CCND3: variants seen among roughly 807,000 people sequenced by gnomAD.
CCND3 encodes the protein G1/S-specific cyclin-D3.
CCND3 carries 9 observed loss-of-function variants against 28.7 expected under a neutral mutation model. The ratio of observed to expected loss-of-function variants is 0.31; its 90% confidence interval spans 0.19 to 0.55. The LOEUF (loss-of-function observed/expected upper bound fraction) is 0.55. Ranked by LOEUF, CCND3 falls within the 20% of genes least tolerant of loss-of-function variation. The probability of loss-of-function intolerance (pLI) is 0.93; values close to 1 mark genes in which losing one functional copy is unlikely to be tolerated. For synonymous variants in CCND3, 164 were observed against 163.9 expected, an observed-to-expected ratio of 1.00 and a Z score of 0.00; for missense variants, 315 against 385.8, an observed-to-expected ratio of 0.82 and a Z score of 1.54.
Position 41,937,236 on chromosome 6 carries a change from T to G in CCND3, c.573A>C (p.Thr191=). 1 of 1,614,164 alleles carries G rather than the reference T, an allele frequency of 6.2e-7. No individual in the cohort carries two copies. Among genetic ancestry groups the G allele is most frequent in the Non-Finnish European group, 8.5e-7 (1 of 1,180,022 alleles). ...CAAAAATGTGCATAGGGCTCTTACCTGTAGCACAGAGGGCCAAAAAGGTCT... is the reference window on the plus strand; with the variant it reads ...CAAAAATGTGCATAGGGCTCTTACCGGTAGCACAGAGGGCCAAAAAGGTCT... ...HAQTFLALCA[T]DYTFAMYPPS... The change falls in exon 3 of 5, where the codon ACA becomes ACC. Residue 191 remains threonine (T), a splice_region_variant and synonymous_variant. Coordinates refer to ENST00000372991, the MANE Select transcript of CCND3 (RefSeq NM_001760.5).
Position 41,940,454 on chromosome 6 carries a change from G to A in CCND3, c.330C>T (p.Ala110=), listed in dbSNP as rs141634113. The part of the protein sequence containing the change: ...QLLGAVCMLL[A]SKLRETTPLT... ...GGGGCGTGGTCTCGCGCAGCTTGGA[G>A]GCCAGCAGCATGCAGACCGCACCCA... is the stretch of plus-strand genomic sequence containing the variant. The change falls in exon 2 of 5, where the codon GCC becomes GCT. Residue 110 remains alanine (A), a synonymous_variant. Transcript: ENST00000372991. 4 of 1,614,146 alleles carry A rather than the reference G, an allele frequency of 2.5e-6. No homozygotes were observed. The highest frequency in any genetic ancestry group is 3.4e-6 in the Non-Finnish European group (4 of 1,180,028).
intron 1 of CCND3, among the ~76,000 whole-genome samples, chr6:42,032,225 G>A (rs1764065866): frequency 6.6e-6 from 1 of 152,116 alleles, no homozygotes; most frequent in African/African-American, 2.4e-5. Flanking sequence ...AGCTAGGACT[G>A]CAGACACATG....
chr6:41,939,435 C>T lies in CCND3; in HGVS notation c.414+935G>A, dbSNP rs966106788. 6.6e-6 allele frequency among the ~76,000 whole-genome samples: 1 copy of T among 152,190 alleles called. No individual in the cohort carries two copies. Among genetic ancestry groups the T allele is most frequent in the Non-Finnish European group, 1.5e-5 (1 of 68,042 alleles). ...GAGACAATCTGCATGTCCTAAATAA[C>T]CTCTTCCAGATCCAGCAGCTCCCCC... is the stretch of plus-strand genomic sequence containing the variant. On this transcript the variant is annotated intron_variant, in intron 2 of 4. Coordinates refer to ENST00000372991, the MANE Select transcript of CCND3 (RefSeq NM_001760.5). The surrounding 1 kb of genome is among the most constrained non-coding windows in gnomAD (Gnocchi z 4.2).
At chr6:42,027,428 A>T (rs1763908868) in intron 1 of CCND3, among the ~76,000 whole-genome samples, 1 of 124,566 alleles carries the variant, frequency 8.0e-6, no homozygotes, top group Non-Finnish European at 1.7e-5. Context: ...TGAGAGAGCG[A>T]GGCTCCATCT....
intron 1 of CCND3, among the ~76,000 whole-genome samples, chr6:42,016,943 G>A (rs1035878133): frequency 6.6e-6 from 1 of 152,172 alleles, no homozygotes; most frequent in Admixed American, 6.5e-5. Context: ...GACCTGCTAA[G>A]TGGGCAAAGG....
chr6:41,944,435 T>C (rs1204982066), upstream of CCND3, among the ~76,000 whole-genome samples: 1 of 152,132 alleles, frequency 6.6e-6, no homozygotes, highest in Admixed American at 6.6e-5. Flanking sequence ...CTTTGTTTTT[T>C]GGTTTTCTTT....
intron 1 of CCND3, among the ~76,000 whole-genome samples, chr6:42,043,980 G>A (rs1269720055): frequency 1.3e-5 from 2 of 152,190 alleles, no homozygotes; most frequent in Non-Finnish European, 2.9e-5. Context: ...AGATGACACA[G>A]GTGTCATGCC....
At chr6:41,944,405 G>A (rs1227473148), upstream of CCND3, among the ~76,000 whole-genome samples, 5 of 150,956 alleles carry the variant, frequency 3.3e-5, no homozygotes, top group East Asian at 5.8e-4. Context: ...TTAACAAATA[G>A]AAGGGTTTTT....
At chr6:42,040,864 CAAACAAAAAAA>C (rs938751897) in intron 1 of CCND3, among the ~76,000 whole-genome samples, 3 of 129,884 alleles carry the variant, frequency 2.3e-5, no homozygotes, top group Non-Finnish European at 3.4e-5. Context: ...AACAAACAAA[CAAACAAAAAAA>C]AAACAAAAAA....
intron 1 of CCND3, among the ~76,000 whole-genome samples, chr6:41,961,018 G>C (rs1195700507): frequency 3.3e-5 from 5 of 152,184 alleles, no homozygotes; most frequent in Non-Finnish European, 1.5e-5. Context: ...CAGGGGAAGA[G>C]GACAGCACAC....
chr6:42,048,768 G>T lies in CCND3; in HGVS notation c.-313C>A, dbSNP rs1032422991. 6.5e-6 allele frequency: 3 copies of T among 459,532 alleles called. No individual in the cohort carries two copies. Among genetic ancestry groups the T allele is most frequent in the Non-Finnish European group, 1.3e-5 (3 of 231,902 alleles). The allele number at this position is 459,532 out of a possible 1,614,324, so 28.5% of individuals were successfully genotyped here. A position where few individuals can be genotyped will look rare whatever the true frequency, so the allele number is the denominator to read the frequency against. On this transcript the variant is annotated 5_prime_UTR_variant, in exon 1 of 5. Coordinates refer to the CCND3 transcript ENST00000372988. The surrounding 1 kb of genome is among the most constrained non-coding windows in gnomAD (Gnocchi z 4.7). Reference sequence around the variant, plus strand: ...GGGCGGAGGAGACAAAGGGGCTGGTGCTCTGCTCAGCCAAGTTTCGGTCCC... The same window carrying T: ...GGGCGGAGGAGACAAAGGGGCTGGTTCTCTGCTCAGCCAAGTTTCGGTCCC...
intron 1 of CCND3, among the ~76,000 whole-genome samples, chr6:41,973,163 T>G (rs1018872983): frequency 1.3e-5 from 2 of 152,144 alleles, no homozygotes; most frequent in Admixed American, 1.3e-4. Flanking sequence ...CAATGACAAA[T>G]CCCTGGGGTA....
In CCND3 at chr6:42,043,170, G is replaced by A. The variant is rs561870077; in HGVS notation, c.-46+5331C>T. Among the ~76,000 whole-genome samples the A allele has an allele frequency of 3.3e-5, 5 of 152,358 alleles. No individual in the cohort carries two copies. In the South Asian group the frequency reaches 1.0e-3, roughly 32 times the overall value. On this transcript the variant is annotated intron_variant, in intron 1 of 4. Coordinates refer to the CCND3 transcript ENST00000372988. ...GCACTTTGGGAGGCCGAGGCAGGAG[G>A]ACTGCTTGGGTCCAGGAGCTCAAGA...
upstream of CCND3, among the ~76,000 whole-genome samples, chr6:41,945,378 G>T (rs1776141858): frequency 6.6e-6 from 1 of 152,184 alleles, no homozygotes; most frequent in African/African-American, 2.4e-5. Flanking sequence ...AGCCAGGTGT[G>T]GTGGTGGATG....
intron 1 of CCND3, among the ~76,000 whole-genome samples, chr6:42,042,357 G>C (rs1764393319): frequency 7.8e-6 from 1 of 128,788 alleles, no homozygotes; most frequent in Admixed American, 8.2e-5. Context: ...CGTAGGCTCG[G>C]AAGTGGGTTT....
chr6:41,988,605 G>T (rs1246920769), intron 1 of CCND3, among the ~76,000 whole-genome samples: 1 of 152,002 alleles, frequency 6.6e-6, no homozygotes, highest in Non-Finnish European at 1.5e-5. Context: ...GGCTAACATG[G>T]CCATGGCCTC....
Position 41,941,057 on chromosome 6 carries a change from C to A in CCND3, c.198+395G>T. ...CCCCATCGCCTTCCCCGCCAGAACC[C>A]CGCGAAAGACACAGGAACCGGCTCC... On this transcript the variant is annotated intron_variant, in intron 1 of 4. Coordinates refer to ENST00000372991, the MANE Select transcript of CCND3 (RefSeq NM_001760.5). This position sits in a 1 kb window ranked among gnomAD's most constrained non-coding sequence, Gnocchi z 6.1. The A allele has an allele frequency of 6.3e-7, 1 of 1,590,244 alleles. No individual in the cohort carries two copies. The highest frequency in any genetic ancestry group is 8.6e-7 in the Non-Finnish European group (1 of 1,166,912).
chr6:41,992,265 A>G (rs190240092), intron 1 of CCND3, among the ~76,000 whole-genome samples: 14 of 150,126 alleles, frequency 9.3e-5, no homozygotes, highest in Admixed American at 9.3e-4. Flanking sequence ...TGGGTTCAAG[A>G]GATTCTCATG....
At chr6:41,975,127 T>A (rs1169523107) in intron 1 of CCND3, among the ~76,000 whole-genome samples, 4 of 152,154 alleles carry the variant, frequency 2.6e-5, no homozygotes, top group Admixed American at 2.6e-4. Flanking sequence ...ATTAGGGTAA[T>A]TCATATGGTA....
Sources: allele counts gnomAD v4.1 joint callset (sites outside exome capture counted in the v4.1 genomes callset), GRCh38; gene constraint gnomAD v4.1.1; non-coding constraint Gnocchi (gnomAD v3.1); transcripts MANE v1.5; gene names NCBI Gene and HGNC (gene_info 2026-07-23, HGNC 2026-07-21).